B4GALT6: variants seen among roughly 807,000 people sequenced by gnomAD.
The protein encoded by B4GALT6 is UDP-Gal:beta-GlcNAc beta-1,4-galactosyltransferase 6.
A neutral mutation model predicts 46.3 loss-of-function variants in B4GALT6; 14 were observed. That is an observed-to-expected ratio of 0.30 (90% CI 0.20 to 0.47). B4GALT6 has a LOEUF of 0.47. B4GALT6 is among the 20% of genes least tolerant of loss of function. B4GALT6 has a pLI of 0.99. For synonymous variants in B4GALT6, 168 were observed against 162.0 expected, an observed-to-expected ratio of 1.04 and a Z score of -0.28; for missense variants, 386 against 480.1, an observed-to-expected ratio of 0.80 and a Z score of 1.83.
chr18:31,714,128 C>T, the B4GALT6 span, among the ~76,000 whole-genome samples: 1 of 152,302 alleles, frequency 6.6e-6, no homozygotes, highest in African/African-American at 2.4e-5. Flanking sequence ...TTTAAATTTA[C>T]ATTTTAATTA....
chr18:31,689,998 A>AGAT (rs1254365133), upstream of B4GALT6, among the ~76,000 whole-genome samples: 1 of 152,220 alleles, frequency 6.6e-6, no homozygotes, highest in Non-Finnish European at 1.5e-5. Flanking sequence ...GAATCTCGAG[A>AGAT]GATAGCTTTC....
chr18:31,630,460 C>T (rs890070667), intron 6 of B4GALT6, among the ~76,000 whole-genome samples: 1 of 151,512 alleles, frequency 6.6e-6, no homozygotes, highest in African/African-American at 2.4e-5. Context: ...GAATGCACAC[C>T]TTAGGAAGAA....
intron 2 of B4GALT6, among the ~76,000 whole-genome samples, chr18:31,665,243 C>T (rs1048432479): frequency 3.3e-5 from 5 of 152,190 alleles, no homozygotes; most frequent in African/African-American, 1.2e-4. Flanking sequence ...CAACTGACAA[C>T]CCCACTGAAT....
Position 31,631,126 on chromosome 18 carries a change from G to C in B4GALT6, c.609C>G (p.Asn203Lys). Residue 203 changes from asparagine to lysine, a missense_variant, in exon 6 of 9, where the codon AAC (asparagine) becomes AAG (lysine). Physicochemically the swap from Asn to Lys is moderately conservative, Grantham distance 94 (BLOSUM62 0). Transcript: ENST00000306851. ...AGCCCACATTGAAAAGCATCGCACG[G>C]TTAAAAGGTTGTGTGCCAGTCTTCA... ...VIEQTGTQPF[N>K]RAMLFNVGFK... is the part of the protein sequence containing the mutation. 6.2e-7 allele frequency: 1 copy of C among 1,612,634 alleles called. No homozygotes were observed. The highest frequency in any genetic ancestry group is 8.5e-7 in the Non-Finnish European group (1 of 1,179,444).
chr18:31,717,949 C>T, the B4GALT6 span, among the ~76,000 whole-genome samples: 28 of 94,678 alleles, frequency 3.0e-4, no homozygotes, highest in South Asian at 3.7e-3. Flanking sequence ...AGCGAAACTC[C>T]GTCTCAAAAA....
the B4GALT6 span, among the ~76,000 whole-genome samples, chr18:31,705,117 G>A: frequency 2.6e-5 from 4 of 152,172 alleles, no homozygotes; most frequent in Non-Finnish European, 5.9e-5. Flanking sequence ...ATAGACTAGA[G>A]ATGACCTACT....
At position 31,666,415 on chromosome 18, in the gene B4GALT6, CT is replaced by C. The variant is rs762204862; in HGVS notation, c.116-44del. ...AGAAAGAATGTCATAACACAGTAAG[CT>C]TTTTTTTATTTAATAAAATAATATT... On this transcript the variant is annotated intron_variant, in intron 1 of 8. Coordinates refer to ENST00000306851, the MANE Select transcript of B4GALT6 (RefSeq NM_004775.5). 243 of 937,650 alleles carry C rather than the reference CT, an allele frequency of 2.6e-4. 1 individual carries two copies. Among genetic ancestry groups the C allele is most frequent in the South Asian group, 3.9e-4 (21 of 54,106 alleles). The allele number at this position is 937,650 out of a possible 1,614,324, so 58.1% of individuals were successfully genotyped here.
At chr18:31,704,106 T>C in the B4GALT6 span, among the ~76,000 whole-genome samples, 1 of 151,784 alleles carries the variant, frequency 6.6e-6, no homozygotes, top group African/African-American at 2.4e-5. Context: ...ATCAAGTACA[T>C]ATAATAATAA....
the B4GALT6 span, among the ~76,000 whole-genome samples, chr18:31,692,255 A>G: frequency 6.6e-6 from 1 of 152,190 alleles, no homozygotes; most frequent in African/African-American, 2.4e-5. Context: ...ATGATGTGTG[A>G]CTACTCAGAT....
chr18:31,626,254 T>C (rs550970377), intron 8 of B4GALT6, 29 bp downstream of exon 8: 41 of 1,301,644 alleles, frequency 3.1e-5, no homozygotes, highest in South Asian at 2.8e-4. Context: ...TTTGGAAACC[T>C]TGGTATCTGA....
rs777486671 is a variant in B4GALT6, at chr18:31,625,732, C to T, written c.1031G>A (p.Arg344His). The T allele has an allele frequency of 2.5e-6, 4 of 1,605,602 alleles. No individual in the cohort carries two copies. Among genetic ancestry groups the T allele is most frequent in the Admixed American group, 1.7e-5 (1 of 57,418 alleles). ...ATTGTTCAGTCCATCGATGTACTGACGCTCCTTGGAATACCTTAGTAATTT... is the reference window on the plus strand; with the variant it reads ...ATTGTTCAGTCCATCGATGTACTGATGCTCCTTGGAATACCTTAGTAATTT... ...RYKLLRYSKE[R>H]QYIDGLNNLI... is the part of the protein sequence containing the mutation. Residue 344 changes from arginine (R) to histidine (H), a missense_variant, in exon 9 of 9, where the codon CGT becomes CAT. By Grantham distance (29) the Arg-to-His change is conservative. Coordinates refer to ENST00000306851, the MANE Select transcript of B4GALT6 (RefSeq NM_004775.5).
intron 2 of B4GALT6, among the ~76,000 whole-genome samples, chr18:31,665,064 T>C (rs1179167205): frequency 1.3e-5 from 2 of 152,186 alleles, no homozygotes; most frequent in Admixed American, 1.3e-4. Flanking sequence ...TTTAGAAGGG[T>C]CTAAAACTAT....
At chr18:31,703,961 G>A in the B4GALT6 span, among the ~76,000 whole-genome samples, 1 of 152,268 alleles carries the variant, frequency 6.6e-6, no homozygotes, top group South Asian at 2.1e-4. Flanking sequence ...CCATCAGACT[G>A]TCTTTGATCA....
Position 31,648,273 on chromosome 18 carries a change from G to T in B4GALT6, c.347-2794C>A, listed in dbSNP as rs181703047. Among the ~76,000 whole-genome samples the T allele has an allele frequency of 1.1e-4, 17 of 152,292 alleles. 1 individual carries two copies. The East Asian group carries it at 2.3e-3, about 21-fold the overall frequency. On this transcript the variant is annotated intron_variant, in intron 3 of 8. Coordinates refer to ENST00000306851, the MANE Select transcript of B4GALT6 (RefSeq NM_004775.5). Reference sequence around the variant, plus strand: ...TTTCTTTCCCAGTTAGAGATTTAAAGATCAGAAAATAAATATGTTGACTGA... The same window carrying T: ...TTTCTTTCCCAGTTAGAGATTTAAATATCAGAAAATAAATATGTTGACTGA...
At chr18:31,695,306 AT>A in the B4GALT6 span, among the ~76,000 whole-genome samples, 4 of 151,636 alleles carry the variant, frequency 2.6e-5, no homozygotes, top group Admixed American at 1.3e-4. Flanking sequence ...AAAAAAAAAA[AT>A]CTTCAAAGAT....
upstream of B4GALT6, among the ~76,000 whole-genome samples, chr18:31,690,497 T>G (rs1220823476): frequency 6.6e-6 from 1 of 151,152 alleles, no homozygotes; most frequent in Non-Finnish European, 1.5e-5. Context: ...GAGACAGAAT[T>G]TCACTCTTGT....
chr18:31,639,707 A>G (rs1285349306), intron 4 of B4GALT6, among the ~76,000 whole-genome samples: 1 of 152,178 alleles, frequency 6.6e-6, no homozygotes, highest in Non-Finnish European at 1.5e-5. Context: ...GTAAAAGAAA[A>G]AACATGTACA....
intron 1 of B4GALT6, among the ~76,000 whole-genome samples, chr18:31,674,133 A>C (rs2074388842): frequency 6.6e-6 from 1 of 152,222 alleles, no homozygotes; most frequent in Non-Finnish European, 1.5e-5. Flanking sequence ...ACATGTGGTA[A>C]TGTGTTATGG....
At chr18:31,636,173 G>A (rs570076870) in intron 5 of B4GALT6, among the ~76,000 whole-genome samples, 1 of 152,338 alleles carries the variant, frequency 6.6e-6, no homozygotes, top group African/African-American at 2.4e-5. Flanking sequence ...TAGCCTAAGT[G>A]TAAGAGCTAA....
Sources: gnomAD v4.1 joint callset for allele counts (sites outside exome capture counted in the v4.1 genomes callset) on GRCh38, gnomAD v4.1.1 for gene constraint, MANE v1.5 for transcripts, NCBI Gene and HGNC (gene_info 2026-07-23, HGNC 2026-07-21) for gene names.